Variants in ZNF148 observed in about 807,000 individuals in gnomAD.
ZNF148 encodes Beta-Enolase Repressor Factor-1.
A neutral mutation model predicts 67.7 loss-of-function variants in ZNF148; 7 were observed. That is an observed-to-expected ratio of 0.10 (90% CI 0.06 to 0.19). ZNF148 has a LOEUF of 0.19. Ranked by LOEUF, ZNF148 falls within the 10% of genes least tolerant of loss-of-function variation. The probability of loss-of-function intolerance (pLI) is 1.00; values close to 1 mark genes in which losing one functional copy is unlikely to be tolerated. For missense variants in ZNF148, 583 were observed against 947.1 expected (o/e 0.62, Z 5.05); for synonymous variants, 333 against 330.7 (o/e 1.01, Z -0.08).
At chr3:125,277,701 C>G (rs757964226) in intron 7 of ZNF148, 25 bp downstream of exon 7, 19 of 1,576,810 alleles carry the variant, frequency 1.2e-5, no homozygotes, top group Non-Finnish European at 1.5e-5. Context: ...TTTTAATGAA[C>G]CTAGTAAGGG....
At chr3:125,251,343 C>T (rs928198026) in intron 7 of ZNF148, among the ~76,000 whole-genome samples, 24 of 152,146 alleles carry the variant, frequency 1.6e-4, no homozygotes, top group Non-Finnish European at 3.1e-4. Context: ...ACAGAAGGTA[C>T]CCTCACTATA....
intron 4 of ZNF148, among the ~76,000 whole-genome samples, chr3:125,295,452 CAA>C (rs547952369): frequency 2.3e-5 from 3 of 130,276 alleles, no homozygotes; most frequent in Admixed American, 7.9e-5. Context: ...GACTCCATCT[CAA>C]AAAAAAAAAA....
rs182091193 is a variant in ZNF148, at chr3:125,325,930, T to C, written c.-152-2486A>G. On this transcript the variant is annotated intron_variant, in intron 2 of 8. Coordinates refer to ENST00000360647, the MANE Select transcript of ZNF148 (RefSeq NM_021964.3). Reference sequence around the variant, plus strand: ...AAAAATCTTGAAAGCAGGAAGAGAATAATGATTCAGCATATGCAGAGATTA... The same window carrying C: ...AAAAATCTTGAAAGCAGGAAGAGAACAATGATTCAGCATATGCAGAGATTA... 8.8e-4 allele frequency among the ~76,000 whole-genome samples: 134 copies of C among 152,254 alleles called. 1 individual carries two copies. Among genetic ancestry groups the C allele is most frequent in the African/African-American group, 3.2e-3 (131 of 41,552 alleles).
intron 4 of ZNF148, among the ~76,000 whole-genome samples, chr3:125,308,846 AG>A (rs748768553): frequency 9.9e-5 from 15 of 152,218 alleles, no homozygotes; most frequent in Non-Finnish European, 1.5e-4. Context: ...AGACAACACA[AG>A]TAACCACAAA....
intron 2 of ZNF148, among the ~76,000 whole-genome samples, chr3:125,330,649 C>T (rs9861092): frequency 0.11 from 16,346 of 151,742 alleles, 2,893 homozygotes; most frequent in African/African-American, 0.37. Flanking sequence ...GCAACATAGT[C>T]GAGACCCTGT....
chr3:125,279,325 A>G, intron 5 of ZNF148, 78 bp from the exon 6 acceptor site: 1 of 1,203,092 alleles, frequency 8.3e-7, no homozygotes, highest in South Asian at 1.9e-5. Context: ...TAAAAAAAAG[A>G]TAATGCAAAC....
intron 1 of ZNF148, among the ~76,000 whole-genome samples, chr3:125,363,655 C>T (rs1035841975): frequency 6.6e-6 from 1 of 151,240 alleles, no homozygotes; most frequent in African/African-American, 2.4e-5. Flanking sequence ...CAATACTTCA[C>T]ACTTTTTTTT....
chr3:125,370,140 C>T (rs575075909), intron 1 of ZNF148, among the ~76,000 whole-genome samples: 1 of 152,116 alleles, frequency 6.6e-6, no homozygotes, highest in African/African-American at 2.4e-5. Context: ...CACCCTGCTA[C>T]AGACCAGATT....
chr3:125,352,239 A>C (rs1366048640), intron 1 of ZNF148, among the ~76,000 whole-genome samples: 1 of 152,220 alleles, frequency 6.6e-6, no homozygotes, highest in Non-Finnish European at 1.5e-5. Flanking sequence ...TGAACTGCTG[A>C]CACATGCTAC....
chr3:125,349,287 G>C (rs190001623), intron 1 of ZNF148, among the ~76,000 whole-genome samples: 1 of 152,134 alleles, frequency 6.6e-6, no homozygotes, highest in Non-Finnish European at 1.5e-5. Context: ...AGAGCAACTA[G>C]GCAACTTATG....
intron 5 of ZNF148, among the ~76,000 whole-genome samples, chr3:125,286,230 T>C (rs186995381): frequency 4.0e-5 from 6 of 151,786 alleles, no homozygotes; most frequent in Non-Finnish European, 5.9e-5. Flanking sequence ...GAGAAAAACA[T>C]TAAAGCCCCA....
chr3:125,358,289 G>A (rs1276904529), intron 1 of ZNF148, among the ~76,000 whole-genome samples: 1 of 151,940 alleles, frequency 6.6e-6, no homozygotes, highest in East Asian at 1.9e-4. Context: ...CTCCACTCTG[G>A]GCAACAGAGC....
intron 4 of ZNF148, among the ~76,000 whole-genome samples, chr3:125,290,913 G>C: frequency 6.6e-6 from 1 of 152,142 alleles, no homozygotes; most frequent in East Asian, 1.9e-4. Flanking sequence ...AATGACAGCT[G>C]CAAGTTTAGC....
chr3:125,285,083 T>C (rs1386649927), intron 5 of ZNF148, among the ~76,000 whole-genome samples: 1 of 152,204 alleles, frequency 6.6e-6, no homozygotes, highest in Non-Finnish European at 1.5e-5. Context: ...TCTATCACAT[T>C]AGTTATACTT....
At chr3:125,360,815 TAA>T (rs201876407) in intron 1 of ZNF148, among the ~76,000 whole-genome samples, 1 of 142,764 alleles carries the variant, frequency 7.0e-6, no homozygotes. Context: ...CACATCTCTT[TAA>T]AAAAAAAAAA....
At chr3:125,372,111 T>C (rs1942911906) in intron 1 of ZNF148, among the ~76,000 whole-genome samples, 1 of 151,592 alleles carries the variant, frequency 6.6e-6, no homozygotes, top group Admixed American at 6.6e-5. Flanking sequence ...AATTCCAAGA[T>C]GAACAACTAT....
rs564107375 is a variant in ZNF148, at chr3:125,240,618, A to T, written c.668-6289T>A. ...TATCTACAAAAAATTTTTTAAAATT[A>T]GCAGGGTGTGGTGGCACATGTCTGT... On this transcript the variant is annotated intron_variant, in intron 7 of 8. Coordinates refer to ENST00000360647, the MANE Select transcript of ZNF148 (RefSeq NM_021964.3). Among the ~76,000 whole-genome samples the T allele has an allele frequency of 2.0e-5, 3 of 152,154 alleles. No homozygotes were observed. The South Asian group carries it at 6.2e-4, about 32-fold the overall frequency.
intron 7 of ZNF148, among the ~76,000 whole-genome samples, chr3:125,259,307 T>C (rs1482773316): frequency 6.6e-6 from 1 of 152,186 alleles, no homozygotes; most frequent in Non-Finnish European, 1.5e-5. Flanking sequence ...AGTGAGATAC[T>C]AGTACACACT....
chr3:125,247,703 T>G (rs1403238040), intron 7 of ZNF148, among the ~76,000 whole-genome samples: 1 of 152,162 alleles, frequency 6.6e-6, no homozygotes, highest in Non-Finnish European at 1.5e-5. Context: ...CCTCCCAAAG[T>G]GCTGGGATTA....
Sources: allele counts gnomAD v4.1 joint callset (sites outside exome capture counted in the v4.1 genomes callset), GRCh38; gene constraint gnomAD v4.1.1; transcripts MANE v1.5; gene names NCBI Gene and HGNC (gene_info 2026-07-23, HGNC 2026-07-21).